Variants in THADA observed in about 807,000 individuals in gnomAD.
The protein encoded by THADA is THADA armadillo repeat containing, also known as tRNA (32-2'-O)-methyltransferase regulator THADA.
A neutral mutation model predicts 219.8 loss-of-function variants in THADA; 213 were observed. The ratio of observed to expected loss-of-function variants is 0.97; its 90% CI spans 0.87 to 1.09. The LOEUF (loss-of-function observed/expected upper bound fraction) is 1.09, where lower values mean the gene tolerates loss of function less well. Ranked by LOEUF, THADA falls within the 50% of genes least tolerant of loss-of-function variation. THADA has a pLI of 0.00. For missense variants in THADA, 2,956 were observed against 2,311.3 expected (o/e 1.28, Z -5.72); for synonymous variants, 1,018 against 828.9 (o/e 1.23, Z -3.92).
Position 43,380,077 on chromosome 2 carries a change from A to G in THADA, c.4227+17894T>C, listed in dbSNP as rs558507866. On this transcript the variant is annotated intron_variant, in intron 29 of 37. Coordinates refer to ENST00000405975, the MANE Select transcript of THADA (RefSeq NM_022065.5). ...GGAAAGTTTTTAGGGTGTGGAACTA[A>G]TCTATATGATATTATAGTGGTGGGT... 5.9e-5 allele frequency among the ~76,000 whole-genome samples: 9 copies of G among 152,320 alleles called. No individual in the cohort carries two copies. In the East Asian group the frequency reaches 1.7e-3, roughly 29 times the overall value.
At chr2:43,396,598 C>T (rs1558692538) in intron 29 of THADA, among the ~76,000 whole-genome samples, 2 of 152,116 alleles carry the variant, frequency 1.3e-5, no homozygotes, top group Non-Finnish European at 2.9e-5. Flanking sequence ...GTCAGGAGTT[C>T]GAGACCAGCT....
At chr2:43,390,660 T>C (rs925675322) in intron 29 of THADA, among the ~76,000 whole-genome samples, 1 of 152,210 alleles carries the variant, frequency 6.6e-6, no homozygotes, top group Admixed American at 6.5e-5. Flanking sequence ...TAAGTTCTGA[T>C]ATGTTTTATT....
At chr2:43,378,149 T>C (rs1014699947) in intron 29 of THADA, among the ~76,000 whole-genome samples, 2 of 151,806 alleles carry the variant, frequency 1.3e-5, no homozygotes, top group Non-Finnish European at 2.9e-5. Flanking sequence ...CATGAGAAAA[T>C]AAGAGGCAGA....
intron 29 of THADA, among the ~76,000 whole-genome samples, chr2:43,395,545 G>A (rs536373428): frequency 6.6e-6 from 1 of 151,056 alleles, no homozygotes; most frequent in African/African-American, 2.5e-5. Flanking sequence ...TGAAACTGCA[G>A]TCTGGGGCTG....
At chr2:43,484,788 G>A (rs974905747) in intron 26 of THADA, among the ~76,000 whole-genome samples, 1 of 151,968 alleles carries the variant, frequency 6.6e-6, no homozygotes, top group African/African-American at 2.4e-5. Context: ...CTTAGTACAA[G>A]AGTTTAATGC....
At chr2:43,593,866 C>G (rs975323326) in intron 1 of THADA, among the ~76,000 whole-genome samples, 3 of 152,058 alleles carry the variant, frequency 2.0e-5, no homozygotes, top group Non-Finnish European at 4.4e-5. Context: ...ATCTCCTGAC[C>G]TCGTGATCCA....
intron 36 of THADA, among the ~76,000 whole-genome samples, chr2:43,237,126 A>G (rs1454038817): frequency 1.3e-5 from 2 of 151,716 alleles, no homozygotes; most frequent in Admixed American, 6.6e-5. Flanking sequence ...TGGCATAAGG[A>G]TAGACATATA....
At chr2:43,368,403 C>T (rs1400176244) in intron 29 of THADA, among the ~76,000 whole-genome samples, 2 of 152,056 alleles carry the variant, frequency 1.3e-5, no homozygotes, top group Non-Finnish European at 2.9e-5. Context: ...CCACTCCATA[C>T]CACTTTGTTT....
chr2:43,401,818 C>G (rs920412247), intron 28 of THADA, among the ~76,000 whole-genome samples: 1 of 152,126 alleles, frequency 6.6e-6, no homozygotes, highest in Admixed American at 6.5e-5. Flanking sequence ...AGCTCTCTGG[C>G]TACCCAACCT....
intron 21 of THADA, among the ~76,000 whole-genome samples, chr2:43,532,344 C>A (rs955341735): frequency 1.4e-5 from 2 of 140,858 alleles, no homozygotes; most frequent in African/African-American, 5.4e-5. Flanking sequence ...ACCCGGGAGG[C>A]AGAGGTTGCA....
At chr2:43,296,352 T>G (rs1675384447) in intron 31 of THADA, among the ~76,000 whole-genome samples, 1 of 152,164 alleles carries the variant, frequency 6.6e-6, no homozygotes, top group Non-Finnish European at 1.5e-5. Context: ...ATTGGCTCAC[T>G]GCAACCTTCG....
At chr2:43,363,559 A>G (rs536883757) in intron 29 of THADA, among the ~76,000 whole-genome samples, 122 of 152,316 alleles carry the variant, frequency 8.0e-4, no homozygotes, top group Middle Eastern at 6.8e-3. Flanking sequence ...AGAAAGAGGG[A>G]GATTTCTCAT....
Position 43,514,996 on chromosome 2 carries a change from TATA to T in THADA, c.3375-6219_3375-6217del, listed in dbSNP as rs1420061400. Among the ~76,000 whole-genome samples the T allele has an allele frequency of 4.0e-4, 23 of 57,454 alleles. 1 individual carries two copies. The highest frequency in any genetic ancestry group is 0.019 in the Middle Eastern group (1 of 54). 37.7% of individuals were successfully genotyped at this position (57,454 alleles called of 152,430 possible). On this transcript the variant is annotated intron_variant, in intron 22 of 37. Coordinates refer to ENST00000405975, the MANE Select transcript of THADA (RefSeq NM_022065.5). Reference sequence around the variant, plus strand: ...AATATATAACATTTTATATATAATATATAATATTATATATATTATATATTTTAT... The same window carrying T: ...AATATATAACATTTTATATATAATATATATTATATATATTATATATTTTAT...
Position 43,574,739 on chromosome 2 carries a change from C to G in THADA, c.1326G>C (p.Glu442Asp), listed in dbSNP as rs182434450. 1 of 1,613,922 alleles carries G rather than the reference C, an allele frequency of 6.2e-7. No individual in the cohort carries two copies. The highest frequency in any genetic ancestry group is 8.5e-7 in the Non-Finnish European group (1 of 1,179,898). Residue 442 changes from glutamate (E) to aspartate (D), a missense_variant, in exon 11 of 38, where the codon GAG becomes GAC. Glu to Asp is a conservative substitution (Grantham distance 45, BLOSUM62 2). Transcript: ENST00000405975. Reference protein sequence around the residue: ...VPDPFFVELTESLLRLEWHIK... With the variant: ...VPDPFFVELTDSLLRLEWHIK... ...TATGCCATTCCAATCGTAAAAGACT[C>G]TCAGTCAATTCCACAAAGAAAGGAT...
intron 36 of THADA, among the ~76,000 whole-genome samples, chr2:43,248,164 T>TAGAGAGAGAG (rs70963389): frequency 1.2e-4 from 5 of 40,938 alleles, no homozygotes; most frequent in African/African-American, 2.4e-4. Flanking sequence ...TATATATATA[T>TAGAGAGAGAG]AGAGAGAGAG....
At chr2:43,453,613 G>T (rs1682630295) in intron 26 of THADA, among the ~76,000 whole-genome samples, 1 of 152,190 alleles carries the variant, frequency 6.6e-6, no homozygotes, top group African/African-American at 2.4e-5. Flanking sequence ...TGAGAGTCCT[G>T]TTTTTGGTTT....
At chr2:43,506,748 A>T (rs113754418) in intron 23 of THADA, among the ~76,000 whole-genome samples, 17 of 152,330 alleles carry the variant, frequency 1.1e-4, no homozygotes, top group African/African-American at 3.6e-4. Context: ...TAAAGCTGTT[A>T]AAAAATGTCA....
At chr2:43,525,684 A>C (rs1046659021) in intron 22 of THADA, among the ~76,000 whole-genome samples, 3 of 152,242 alleles carry the variant, frequency 2.0e-5, no homozygotes, top group African/African-American at 4.8e-5. Flanking sequence ...AACTGAACTC[A>C]GTAAATACCC....
intron 26 of THADA, chr2:43,430,529 A>G (rs930840683): frequency 3.8e-6 from 2 of 532,700 alleles, no homozygotes; most frequent in Admixed American, 5.3e-5. Flanking sequence ...ATTTAAGATT[A>G]TGTATGTTTA....
Sources: allele counts gnomAD v4.1 joint callset (sites outside exome capture counted in the v4.1 genomes callset), GRCh38; gene constraint gnomAD v4.1.1; transcripts MANE v1.5; gene names NCBI Gene and HGNC (gene_info 2026-07-23, HGNC 2026-07-21).